GPD1L: variants seen among roughly 807,000 people sequenced by gnomAD.
GPD1L encodes glycerol-3-phosphate dehydrogenase 1 like.
A neutral mutation model predicts 32.9 loss-of-function variants in GPD1L; 17 were observed. That is an observed-to-expected ratio of 0.52 (90% CI 0.35 to 0.78). GPD1L has a LOEUF of 0.78. Among genes scored for constraint, GPD1L ranks in the 30% least tolerant of loss-of-function variants. The probability of loss-of-function intolerance (pLI) is 0.01; values close to 1 mark genes in which losing one functional copy is unlikely to be tolerated. For synonymous variants in GPD1L, 187 were observed against 165.9 expected, an observed-to-expected ratio of 1.13 and a Z score of -0.98; for missense variants, 361 against 447.8, an observed-to-expected ratio of 0.81 and a Z score of 1.75.
intron 5 of GPD1L, chr3:32,151,268 A>G (rs756241332): frequency 1.0e-5 from 6 of 589,392 alleles, no homozygotes; most frequent in African/African-American, 1.9e-5. Flanking sequence ...CTCAGCTCTT[A>G]GCTTAATATG....
intron 1 of GPD1L, among the ~76,000 whole-genome samples, chr3:32,114,403 A>T (rs1014165198): frequency 1.3e-5 from 2 of 152,240 alleles, no homozygotes; most frequent in African/African-American, 4.8e-5. Flanking sequence ...CAGAAGAGTC[A>T]TAGTTTCCTA....
In GPD1L at chr3:32,166,223, A is replaced by T. The variant is rs150971862; in HGVS notation, c.*313A>T. On this transcript the variant is annotated 3_prime_UTR_variant, in exon 8 of 8. Transcript: ENST00000282541. ...TTTCCACACAATCGTAGCTTATAAG[A>T]TTGGAACGATCTCAGCCAAATATTT... The T allele has an allele frequency of 1.5e-3, 603 of 397,734 alleles. 2 individuals are homozygous for T. The highest frequency in any genetic ancestry group is 0.011 in the African/African-American group (552 of 48,936). The allele number at this position is 397,734 out of a possible 1,614,324, so 24.6% of individuals were successfully genotyped here.
chr3:32,134,824 G>A (rs1048259357), intron 2 of GPD1L, among the ~76,000 whole-genome samples: 1 of 152,132 alleles, frequency 6.6e-6, no homozygotes. Context: ...GGAATAGGCC[G>A]ATTTCTTAAA....
chr3:32,106,665 C>A lies in GPD1L; in HGVS notation c.-47C>A, dbSNP rs1057524264. The A allele has an allele frequency of 2.0e-6, 3 of 1,479,100 alleles. No homozygotes were observed. Among genetic ancestry groups the A allele is most frequent in the South Asian group, 1.4e-5 (1 of 72,150 alleles). 91.6% of individuals were successfully genotyped at this position (1,479,100 alleles called of 1,614,324 possible). On this transcript the variant is annotated 5_prime_UTR_variant, in exon 1 of 8. Coordinates refer to ENST00000282541, the MANE Select transcript of GPD1L (RefSeq NM_015141.4). This position sits in a 1 kb window ranked among gnomAD's most constrained non-coding sequence, Gnocchi z 4.0. ...GCAAGGCTGAACAGGCGGAGGTGGGCAGCCGGCCAGGGAAGCACGGTCCAG... is the reference window on the plus strand; with the variant it reads ...GCAAGGCTGAACAGGCGGAGGTGGGAAGCCGGCCAGGGAAGCACGGTCCAG...
chr3:32,157,222 C>T (rs1186461000), intron 5 of GPD1L, among the ~76,000 whole-genome samples: 2 of 151,796 alleles, frequency 1.3e-5, no homozygotes, highest in Non-Finnish European at 2.9e-5. Context: ...TGGCTCCTGC[C>T]ACTTGTCAGC....
intron 5 of GPD1L, among the ~76,000 whole-genome samples, chr3:32,152,520 G>A (rs1700932715): frequency 6.6e-6 from 1 of 152,160 alleles, no homozygotes; most frequent in Admixed American, 6.5e-5. Context: ...GCTGCCGGAG[G>A]GGAGGAGCGC....
At chr3:32,159,729 A>G (rs1701051302) in intron 7 of GPD1L, 55 bp downstream of exon 7, 6 of 1,068,028 alleles carry the variant, frequency 5.6e-6, no homozygotes, top group Non-Finnish European at 8.8e-6. Context: ...TCCTATTCTC[A>G]GGACTTCCAG....
chr3:32,110,078 C>T (rs900186994), intron 1 of GPD1L, among the ~76,000 whole-genome samples: 1 of 152,224 alleles, frequency 6.6e-6, no homozygotes, highest in Non-Finnish European at 1.5e-5. Context: ...CCACCACGCC[C>T]AGCTAATTTT....
chr3:32,163,983 A>G (rs1286780970), intron 7 of GPD1L, among the ~76,000 whole-genome samples: 2 of 152,242 alleles, frequency 1.3e-5, no homozygotes. Flanking sequence ...CAGGCATCAC[A>G]TTCACTTTTA....
intron 1 of GPD1L, among the ~76,000 whole-genome samples, chr3:32,119,286 CTG>C (rs1357327257): frequency 6.6e-6 from 1 of 152,134 alleles, no homozygotes; most frequent in Non-Finnish European, 1.5e-5. Flanking sequence ...TTATTATTTT[CTG>C]TGTTTTTGAT....
chr3:32,144,844 C>G (rs1700796871), intron 4 of GPD1L, among the ~76,000 whole-genome samples: 1 of 151,468 alleles, frequency 6.6e-6, no homozygotes, highest in South Asian at 2.1e-4. Context: ...CACACACACA[C>G]ACACACACAC....
chr3:32,165,861 C>G lies in GPD1L; in HGVS notation c.1007C>G (p.Pro336Arg), dbSNP rs1282712993. ...TATCAGATCTGCTACGAAAGCAGAC[C>G]AGTTCAAGAGATGTTGTCTTGTCTT... Reference protein sequence around the residue: ...AVYQICYESRPVQEMLSCLQS... With the variant: ...AVYQICYESRRVQEMLSCLQS... Residue 336 changes from proline to arginine, a missense_variant, in exon 8 of 8, where the codon CCA becomes CGA. Transcript: ENST00000282541. 6.2e-7 allele frequency: 1 copy of G among 1,609,322 alleles called. No individual in the cohort carries two copies. Among genetic ancestry groups the G allele is most frequent in the African/African-American group, 1.3e-5 (1 of 74,810 alleles).
At chr3:32,152,408 G>A (rs1700931526) in intron 5 of GPD1L, among the ~76,000 whole-genome samples, 1 of 152,122 alleles carries the variant, frequency 6.6e-6, no homozygotes, top group Non-Finnish European at 1.5e-5. Flanking sequence ...GAACAGAAAT[G>A]TATTGGCTCA....
At chr3:32,135,498 G>A (rs1007146453) in intron 2 of GPD1L, among the ~76,000 whole-genome samples, 19 of 152,152 alleles carry the variant, frequency 1.2e-4, no homozygotes, top group African/African-American at 4.1e-4. Context: ...TGTCGCCCAG[G>A]CTGGAGTGCA....
intron 5 of GPD1L, among the ~76,000 whole-genome samples, chr3:32,152,816 C>G (rs374544609): frequency 7.0e-6 from 1 of 143,850 alleles, no homozygotes; most frequent in African/African-American, 2.6e-5. Context: ...TTCCAAGCAG[C>G]GAGGTTAAAA....
At position 32,163,606 on chromosome 3, in the gene GPD1L, T is replaced by G. The variant is rs1441699242; in HGVS notation, c.960-2208T>G. 2.6e-5 allele frequency among the ~76,000 whole-genome samples: 4 copies of G among 152,230 alleles called. No individual in the cohort carries two copies. In the East Asian group the frequency reaches 7.7e-4, roughly 29 times the overall value. The stretch of plus-strand genomic sequence containing the variant: ...TAGAAAATAATATTTAGATGGGCAG[T>G]GTAGCCTAATGGTTGATCATTGGCT... On this transcript the variant is annotated intron_variant, in intron 7 of 7. Transcript: ENST00000282541.
intron 5 of GPD1L, chr3:32,151,644 A>T (rs1700921422): frequency 5.9e-6 from 1 of 170,292 alleles, no homozygotes; most frequent in Non-Finnish European, 1.2e-5. Context: ...CATGCCTGCT[A>T]ATTTTTGTAT....
intron 1 of GPD1L, among the ~76,000 whole-genome samples, chr3:32,113,556 C>T (rs17028885): frequency 0.19 from 29,625 of 152,054 alleles, 3,529 homozygotes; most frequent in East Asian, 0.5. Flanking sequence ...GAACTAAGCT[C>T]ACTGTGCCAG....
intron 4 of GPD1L, 113 bp downstream of exon 4, chr3:32,140,479 T>A: frequency 7.9e-7 from 1 of 1,271,940 alleles, no homozygotes; most frequent in Non-Finnish European, 1.1e-6. Flanking sequence ...CTCTTAACAT[T>A]CCTTAGTTGG....
Sources: gnomAD v4.1 joint callset for allele counts (sites outside exome capture counted in the v4.1 genomes callset) on GRCh38, gnomAD v4.1.1 for gene constraint, Gnocchi (gnomAD v3.1) non-coding constraint, MANE v1.5 for transcripts, NCBI Gene and HGNC (gene_info 2026-07-23, HGNC 2026-07-21) for gene names.